Variants in RBFOX1 observed in about 807,000 individuals in gnomAD.
The protein encoded by RBFOX1 is RNA binding protein fox-1 homolog 1.
RBFOX1 carries 8 observed loss-of-function variants against 57.7 expected under a neutral mutation model. The observed-to-expected ratio is 0.14, with a 90% confidence interval of 0.08 to 0.25. RBFOX1 has a LOEUF of 0.25. Ranked by LOEUF, RBFOX1 falls within the 10% of genes least tolerant of loss-of-function variation. The pLI, the probability that RBFOX1 is intolerant of heterozygous loss-of-function variation, is 1.00. For synonymous variants in RBFOX1, 326 were observed against 222.4 expected (o/e 1.47, Z -4.15); for missense variants, 611 against 548.5 (o/e 1.11, Z -1.14).
intron 3 of RBFOX1, among the ~76,000 whole-genome samples, chr16:6,888,593 A>C (rs1213124655): frequency 6.6e-6 from 1 of 151,958 alleles, no homozygotes; most frequent in Non-Finnish European, 1.5e-5. Context: ...GTAGGGTTAG[A>C]AGTGCATTTT....
At chr16:6,075,617 A>C (rs561505956) in intron 1 of RBFOX1, among the ~76,000 whole-genome samples, 1 of 152,362 alleles carries the variant, frequency 6.6e-6, no homozygotes, top group Non-Finnish European at 1.5e-5. Context: ...ACAAAGACAC[A>C]CATTTAATCA....
intron 4 of RBFOX1, among the ~76,000 whole-genome samples, chr16:5,957,251 G>T (rs1475355708): frequency 6.6e-6 from 1 of 152,018 alleles, no homozygotes; most frequent in East Asian, 1.9e-4. Flanking sequence ...GTCTTGGTCT[G>T]TTGCCCAGGC....
rs1267798620 is a variant in RBFOX1 at position 5,282,150 on chromosome 16, A to C, written c.219+42045A>C. On this transcript the variant is annotated intron_variant, in intron 1 of 2. Coordinates refer to the RBFOX1 transcript ENST00000585867. ...AGATCTGAGAGGTTTTAAAAGGAGG[A>C]GTTTCCCTGCTCAAGCTCTCTCTTT... 2.6e-5 allele frequency among the ~76,000 whole-genome samples: 4 copies of C among 152,234 alleles called. No individual in the cohort carries two copies. The East Asian group carries it at 7.7e-4, about 29-fold the overall frequency.
chr16:6,604,855 C>T (rs978837996), intron 2 of RBFOX1, among the ~76,000 whole-genome samples: 1 of 152,014 alleles, frequency 6.6e-6, no homozygotes, highest in African/African-American at 2.4e-5. Context: ...AGTAAATGAG[C>T]TTGGGCCTGG....
intron 1 of RBFOX1, among the ~76,000 whole-genome samples, chr16:6,066,965 G>C (rs2095772861): frequency 6.6e-6 from 1 of 152,116 alleles, no homozygotes; most frequent in South Asian, 2.1e-4. Flanking sequence ...AGAGTAGGGG[G>C]CGGGGGAGGG....
At chr16:6,071,039 T>C (rs7202677) in intron 1 of RBFOX1, among the ~76,000 whole-genome samples, 41,450 of 152,108 alleles carry the variant, frequency 0.27, 5,841 homozygotes, top group Non-Finnish European at 0.3. Context: ...TAAATGGAAA[T>C]TGGCTGGGTG....
At chr16:6,197,673 A>T (rs1329381571) in intron 1 of RBFOX1, among the ~76,000 whole-genome samples, 2 of 150,556 alleles carry the variant, frequency 1.3e-5, no homozygotes, top group Non-Finnish European at 3.0e-5. Flanking sequence ...TCAGGGGTTC[A>T]TATGTTGTTT....
At chr16:6,528,950 T>C (rs2096619043) in intron 2 of RBFOX1, among the ~76,000 whole-genome samples, 1 of 152,178 alleles carries the variant, frequency 6.6e-6, no homozygotes, top group Non-Finnish European at 1.5e-5. Flanking sequence ...ATTATCCATG[T>C]TTGAACATTA....
intron 3 of RBFOX1, among the ~76,000 whole-genome samples, chr16:5,626,261 G>A (rs908928065): frequency 6.6e-6 from 1 of 152,206 alleles, no homozygotes; most frequent in Non-Finnish European, 1.5e-5. Flanking sequence ...CAGAGATCAA[G>A]GTGTTGGCAG....
intron 3 of RBFOX1, among the ~76,000 whole-genome samples, chr16:7,043,091 G>T (rs1210473777): frequency 7.5e-6 from 1 of 133,004 alleles, no homozygotes; most frequent in Non-Finnish European, 1.6e-5. Flanking sequence ...GCCATTCACG[G>T]TATCTTGTTT....
At chr16:7,654,036 T>A in intron 12 of RBFOX1, 89 bp downstream of exon 12, 1 of 1,363,378 alleles carries the variant, frequency 7.3e-7, no homozygotes, top group Non-Finnish European at 9.6e-7. Flanking sequence ...ATGATGGTCT[T>A]GACTCCCCCT....
At chr16:6,573,050 C>G (rs929104381) in intron 2 of RBFOX1, among the ~76,000 whole-genome samples, 1 of 152,144 alleles carries the variant, frequency 6.6e-6, no homozygotes, top group Non-Finnish European at 1.5e-5. Context: ...CTCCTACAGA[C>G]TCAGATAGGA....
At chr16:6,107,434 C>T (rs2096394748) in intron 1 of RBFOX1, among the ~76,000 whole-genome samples, 1 of 152,102 alleles carries the variant, frequency 6.6e-6, no homozygotes, top group South Asian at 2.1e-4. Context: ...AGACACACTC[C>T]TCTGAAGCTA....
At chr16:6,219,480 G>T (rs1359453364) in intron 1 of RBFOX1, among the ~76,000 whole-genome samples, 1 of 152,192 alleles carries the variant, frequency 6.6e-6, no homozygotes, top group Non-Finnish European at 1.5e-5. Context: ...GGTCAAGTCT[G>T]AGCTTCATTT....
intron 3 of RBFOX1, among the ~76,000 whole-genome samples, chr16:6,782,922 G>A (rs563830623): frequency 2.0e-5 from 3 of 152,102 alleles, no homozygotes; most frequent in African/African-American, 2.4e-5. Flanking sequence ...CCAGCATTAG[G>A]TTTATATATA....
intron 3 of RBFOX1, among the ~76,000 whole-genome samples, chr16:5,859,220 A>C (rs935567780): frequency 6.6e-6 from 1 of 152,032 alleles, no homozygotes; most frequent in Admixed American, 6.5e-5. Context: ...CAAAAACAAA[A>C]ACAAAAACAA....
chr16:6,625,860 ATTG>A (rs1312648080), intron 2 of RBFOX1, among the ~76,000 whole-genome samples: 3 of 152,202 alleles, frequency 2.0e-5, no homozygotes, highest in Non-Finnish European at 2.9e-5. Context: ...GATGTCTGCC[ATTG>A]TTGTTGGGGA....
chr16:6,137,097 C>A (rs561065096), intron 1 of RBFOX1, among the ~76,000 whole-genome samples: 9 of 152,234 alleles, frequency 5.9e-5, no homozygotes, highest in African/African-American at 2.2e-4. Context: ...TGTCCAGGTA[C>A]TTTCATGAAT....
At chr16:7,037,540 A>T (rs2044873041) in intron 3 of RBFOX1, among the ~76,000 whole-genome samples, 1 of 152,198 alleles carries the variant, frequency 6.6e-6, no homozygotes, top group South Asian at 2.1e-4. Flanking sequence ...CAACTTATGA[A>T]AAGAAGAAAT....
Sources: gnomAD v4.1 joint callset for allele counts (sites outside exome capture counted in the v4.1 genomes callset) on GRCh38, gnomAD v4.1.1 for gene constraint, MANE v1.5 for transcripts, NCBI Gene and HGNC (gene_info 2026-07-23, HGNC 2026-07-21) for gene names.